ITGBL1: variants seen among roughly 807,000 people sequenced by gnomAD.
ITGBL1 encodes the protein integrin subunit beta like 1.
Under a neutral mutation model 68.5 loss-of-function variants are expected in ITGBL1, and 51 were observed. The ratio of observed to expected loss-of-function variants is 0.74; its 90% CI spans 0.59 to 0.94. ITGBL1 has a LOEUF of 0.94. ITGBL1 is among the 40% of genes least tolerant of loss of function. ITGBL1 has a pLI of 0.00. For missense variants in ITGBL1, 649 were observed against 647.4 expected (o/e 1.00, Z -0.03); for synonymous variants, 209 against 227.3 (o/e 0.92, Z 0.72).
intron 7 of ITGBL1, among the ~76,000 whole-genome samples, chr13:101,639,522 A>G (rs2032292131): frequency 1.3e-5 from 2 of 152,202 alleles, no homozygotes; most frequent in South Asian, 4.1e-4. Flanking sequence ...TATATATAAG[A>G]AGAAGTTAAA....
At chr13:101,701,689 A>G (rs2034140283) in intron 8 of ITGBL1, among the ~76,000 whole-genome samples, 1 of 152,214 alleles carries the variant, frequency 6.6e-6, no homozygotes, top group Non-Finnish European at 1.5e-5. Context: ...ATTGTCTCAT[A>G]CTACAACATG....
chr13:101,704,484 T>TAAAAAAAAA (rs57687698), intron 8 of ITGBL1, among the ~76,000 whole-genome samples: 9 of 105,290 alleles, frequency 8.5e-5, no homozygotes, highest in East Asian at 6.4e-4. Context: ...ATTCATTCAG[T>TAAAAAAAAA]AAAAAAAAAA....
chr13:101,648,778 A>G (rs2032646952), intron 7 of ITGBL1, among the ~76,000 whole-genome samples: 1 of 152,164 alleles, frequency 6.6e-6, no homozygotes, highest in African/African-American at 2.4e-5. Flanking sequence ...AATTACAAAA[A>G]TTTCAAAAAT....
intron 2 of ITGBL1, among the ~76,000 whole-genome samples, chr13:101,556,638 A>G (rs1170616793): frequency 6.6e-6 from 1 of 152,188 alleles, no homozygotes; most frequent in African/African-American, 2.4e-5. Flanking sequence ...GTCTCAAAAA[A>G]AAAAGTAGAA....
chr13:101,485,716 C>T (rs1387059300), intron 2 of ITGBL1, among the ~76,000 whole-genome samples: 1 of 152,034 alleles, frequency 6.6e-6, no homozygotes, highest in African/African-American at 2.4e-5. Flanking sequence ...GGCGTGAACC[C>T]GGGAGGCAGA....
At chr13:101,574,499 T>A (rs1313673046) in intron 3 of ITGBL1, among the ~76,000 whole-genome samples, 1 of 152,146 alleles carries the variant, frequency 6.6e-6, no homozygotes, top group Admixed American at 6.6e-5. Flanking sequence ...TGGTTTTTGC[T>A]CATATAAAAC....
chr13:101,549,862 C>G (rs2049892205), intron 2 of ITGBL1, among the ~76,000 whole-genome samples: 1 of 151,864 alleles, frequency 6.6e-6, no homozygotes, highest in Admixed American at 6.6e-5. Flanking sequence ...CTGGCTATAT[C>G]TATTAACAAT....
intron 1 of ITGBL1, among the ~76,000 whole-genome samples, 165 bp downstream of exon 1, chr13:101,453,096 T>C (rs1172934984): frequency 1.3e-5 from 2 of 152,260 alleles, no homozygotes; most frequent in Non-Finnish European, 2.9e-5. Flanking sequence ...CAGCGTGTAT[T>C]GCCTCATGTC....
chr13:101,526,657 A>ATGTGTG lies in ITGBL1; in HGVS notation c.317-41041_317-41040insGTGTGT, dbSNP rs1301205497. 4.7e-5 allele frequency among the ~76,000 whole-genome samples: 5 copies of ATGTGTG among 106,036 alleles called. No individual in the cohort carries two copies. In the East Asian group the frequency reaches 1.1e-3, roughly 23 times the overall value. The allele number at this position is 106,036 out of a possible 152,430, so 69.6% of individuals were successfully genotyped here. On this transcript the variant is annotated intron_variant, in intron 2 of 10. Transcript: ENST00000376180. Reference sequence around the variant, plus strand: ...AATCTGAAAAATCAGCATTGAAGTTATATGTGTGTGTGTGTGTGTGTGTGT... The same window carrying ATGTGTG: ...AATCTGAAAAATCAGCATTGAAGTTATGTGTGTATGTGTGTGTGTGTGTGTGTGTGT...
chr13:101,547,798 T>G (rs2049852094), intron 2 of ITGBL1, among the ~76,000 whole-genome samples: 1 of 151,734 alleles, frequency 6.6e-6, no homozygotes, highest in Admixed American at 6.6e-5. Context: ...TATGCCTGTA[T>G]CAAAATATCT....
intron 2 of ITGBL1, among the ~76,000 whole-genome samples, chr13:101,547,168 C>A (rs1420697998): frequency 1.7e-5 from 2 of 119,524 alleles, no homozygotes; most frequent in Non-Finnish European, 3.6e-5. Flanking sequence ...TGACTTAGCA[C>A]TTTATTTTCC....
chr13:101,488,581 G>C (rs1329784433), intron 2 of ITGBL1, among the ~76,000 whole-genome samples: 1 of 152,120 alleles, frequency 6.6e-6, no homozygotes, highest in African/African-American at 2.4e-5. Context: ...TTGTCTAAGC[G>C]GAAGAACAGA....
intron 2 of ITGBL1, among the ~76,000 whole-genome samples, chr13:101,540,510 G>A (rs1031256818): frequency 3.3e-5 from 5 of 152,074 alleles, no homozygotes; most frequent in African/African-American, 1.2e-4. Flanking sequence ...TTGCTCTTTT[G>A]ACTTAGGATT....
intron 7 of ITGBL1, among the ~76,000 whole-genome samples, chr13:101,682,700 A>G (rs1266849242): frequency 6.6e-6 from 1 of 151,974 alleles, no homozygotes; most frequent in African/African-American, 2.4e-5. Context: ...TTATACACAT[A>G]GTAATGTTTT....
At chr13:101,494,701 T>C (rs989057819) in intron 2 of ITGBL1, among the ~76,000 whole-genome samples, 6 of 152,144 alleles carry the variant, frequency 3.9e-5, no homozygotes, top group African/African-American at 1.4e-4. Flanking sequence ...TTTACAGTCA[T>C]TAAAATGATG....
rs2050339235 is a variant in ITGBL1 at position 101,575,352 on chromosome 13, A to C, written c.464-72A>C. ...TGGATTATCTACTCTCTTGAGAGAG[A>C]TGGTATAAAAATTCATTAATTATAA... On this transcript the variant is annotated intron_variant, in intron 3 of 10. Transcript: ENST00000376180. 3 of 1,363,184 alleles carry C rather than the reference A, an allele frequency of 2.2e-6. No homozygotes were observed. The African/African-American group carries it at 4.3e-5, about 20-fold the overall frequency. 84.4% of individuals were successfully genotyped at this position (1,363,184 alleles called of 1,614,324 possible). A position where few individuals can be genotyped will look rare whatever the true frequency, so the allele number is the denominator to read the frequency against.
intron 3 of ITGBL1, among the ~76,000 whole-genome samples, chr13:101,570,807 T>C (rs1385637232): frequency 6.6e-6 from 1 of 152,226 alleles, no homozygotes; most frequent in Non-Finnish European, 1.5e-5. Flanking sequence ...ACTTAAGTTC[T>C]GTTCTTCTTT....
At chr13:101,538,006 T>C (rs984872886) in intron 2 of ITGBL1, among the ~76,000 whole-genome samples, 1 of 152,118 alleles carries the variant, frequency 6.6e-6, no homozygotes, top group Non-Finnish European at 1.5e-5. Context: ...AGCTTATTAA[T>C]AATGTCTATG....
At chr13:101,486,135 T>A (rs1448631909) in intron 2 of ITGBL1, among the ~76,000 whole-genome samples, 1 of 152,108 alleles carries the variant, frequency 6.6e-6, no homozygotes, top group African/African-American at 2.4e-5. Context: ...ATGTGGTATA[T>A]ATACACCAGG....
Sources: allele counts gnomAD v4.1 joint callset (sites outside exome capture counted in the v4.1 genomes callset), GRCh38; gene constraint gnomAD v4.1.1; transcripts MANE v1.5; gene names NCBI Gene and HGNC (gene_info 2026-07-23, HGNC 2026-07-21).